Variants in NDUFS4 observed in about 807,000 individuals in gnomAD.
NDUFS4 encodes the protein NADH:ubiquinone oxidoreductase subunit S4, also known as NADH dehydrogenase [ubiquinone] iron-sulfur protein 4, mitochondrial.
Under a neutral mutation model 24.3 loss-of-function variants are expected in NDUFS4, and 28 were observed. That is an observed-to-expected ratio of 1.15 (90% confidence interval 0.85 to 1.58). NDUFS4 has a LOEUF of 1.58. Among genes scored for constraint, NDUFS4 ranks in the 40% most tolerant of loss-of-function variants. NDUFS4 has a pLI of 0.00. For missense variants in NDUFS4, 223 were observed against 207.9 expected (o/e 1.07, Z -0.45); for synonymous variants, 93 against 69.7 (o/e 1.34, Z -1.67).
chr5:53,665,337 C>T (rs140490625), intron 4 of NDUFS4, among the ~76,000 whole-genome samples: 1 of 152,152 alleles, frequency 6.6e-6, no homozygotes, highest in Non-Finnish European at 1.5e-5. Flanking sequence ...CTAGGAGAAC[C>T]ACTACTCTTC....
chr5:53,566,580 G>T (rs1329440185), intron 1 of NDUFS4, among the ~76,000 whole-genome samples: 1 of 151,966 alleles, frequency 6.6e-6, no homozygotes, highest in Non-Finnish European at 1.5e-5. Context: ...TTGTCTCTTG[G>T]TATCCATGAA....
chr5:53,566,019 A>C (rs745703607), intron 1 of NDUFS4, among the ~76,000 whole-genome samples: 6 of 151,384 alleles, frequency 4.0e-5, no homozygotes, highest in Admixed American at 3.9e-4. Flanking sequence ...TAAAAAATAC[A>C]ATAATTAGCC....
intron 4 of NDUFS4, among the ~76,000 whole-genome samples, chr5:53,675,009 T>A (rs1349467675): frequency 6.6e-6 from 1 of 152,060 alleles, no homozygotes; most frequent in Non-Finnish European, 1.5e-5. Context: ...GAGTACTTTT[T>A]AAGTACTCTT....
chr5:53,662,816 T>G (rs72753671), intron 4 of NDUFS4, among the ~76,000 whole-genome samples: 14,096 of 151,926 alleles, frequency 0.093, 780 homozygotes, highest in Non-Finnish European at 0.13. Context: ...TGGTGGTAAC[T>G]AAGATCAGTT....
chr5:53,596,465 C>G (rs887495398), intron 1 of NDUFS4, among the ~76,000 whole-genome samples: 1 of 152,000 alleles, frequency 6.6e-6, no homozygotes, highest in Non-Finnish European at 1.5e-5. Context: ...ATAAAATGGT[C>G]CCTTGACCTT....
At chr5:53,673,415 G>C (rs1283629544) in intron 4 of NDUFS4, among the ~76,000 whole-genome samples, 1 of 152,088 alleles carries the variant, frequency 6.6e-6, no homozygotes, top group African/African-American at 2.4e-5. Context: ...TTAGGATTCA[G>C]TTTTGGGAAG....
chr5:53,622,429 C>G (rs538698194), intron 2 of NDUFS4, among the ~76,000 whole-genome samples: 19 of 152,210 alleles, frequency 1.2e-4, no homozygotes, highest in African/African-American at 4.6e-4. Flanking sequence ...AAGGCCACCT[C>G]CTTGATGTGT....
At chr5:53,654,678 T>G (rs1000773215) in intron 3 of NDUFS4, among the ~76,000 whole-genome samples, 15 of 152,260 alleles carry the variant, frequency 9.9e-5, no homozygotes, top group African/African-American at 3.6e-4. Flanking sequence ...ACAAATAAGC[T>G]AAGCTTCCCG....
chr5:53,608,292 G>A (rs975316529), intron 2 of NDUFS4, among the ~76,000 whole-genome samples: 2 of 152,182 alleles, frequency 1.3e-5, no homozygotes, highest in African/African-American at 4.8e-5. Flanking sequence ...TCATTTGACT[G>A]GTGGAAGGTC....
At position 53,658,694 on chromosome 5, in the gene NDUFS4, T is replaced by G. The variant is rs1056914549; in HGVS notation, c.424+70T>G. 4 of 1,347,310 alleles carry G rather than the reference T, an allele frequency of 3.0e-6. No homozygotes were observed. In the Admixed American group the frequency reaches 7.0e-5, roughly 23 times the overall value. 83.5% of individuals were successfully genotyped at this position (1,347,310 alleles called of 1,614,324 possible). A position where few individuals can be genotyped will look rare whatever the true frequency, so the allele number is the denominator to read the frequency against. Reference sequence around the variant, plus strand: ...GTTCTTAACCTTAATTAAAACCAATTAAGTATACAGAATTTGAGTTGGAAT... The same window carrying G: ...GTTCTTAACCTTAATTAAAACCAATGAAGTATACAGAATTTGAGTTGGAAT... On this transcript the variant is annotated intron_variant, in intron 4 of 4. Transcript: ENST00000296684.
At chr5:53,627,960 G>T (rs182990667) in intron 2 of NDUFS4, among the ~76,000 whole-genome samples, 5 of 152,144 alleles carry the variant, frequency 3.3e-5, no homozygotes, top group African/African-American at 1.2e-4. Flanking sequence ...GTCTTGTGCC[G>T]GTTTTTAAAG....
chr5:53,671,802 T>A (rs1740253979), intron 4 of NDUFS4, among the ~76,000 whole-genome samples: 1 of 152,154 alleles, frequency 6.6e-6, no homozygotes, highest in Admixed American at 6.6e-5. Context: ...TACATGCTAA[T>A]GAAAACCAGA....
chr5:53,670,450 T>C (rs141519873), intron 4 of NDUFS4, among the ~76,000 whole-genome samples: 1 of 152,090 alleles, frequency 6.6e-6, no homozygotes, highest in East Asian at 1.9e-4. Context: ...AAAAAGTATC[T>C]CAATTTTTAT....
chr5:53,665,160 A>C (rs983146254), intron 4 of NDUFS4, among the ~76,000 whole-genome samples: 2 of 152,112 alleles, frequency 1.3e-5, no homozygotes, highest in Non-Finnish European at 2.9e-5. Flanking sequence ...GTGAACAGCA[A>C]ATGTTGCTGC....
chr5:53,672,441 G>A lies in NDUFS4; in HGVS notation c.425-10677G>A, dbSNP rs539826114. On this transcript the variant is annotated intron_variant, in intron 4 of 4. Coordinates refer to ENST00000296684, the MANE Select transcript of NDUFS4 (RefSeq NM_002495.4). The stretch of plus-strand genomic sequence containing the variant: ...GCAAAATTGGGTTTTGGTGGGGGAG[G>A]TCTATTAAGTAGAACACAGGACAGA... Among the ~76,000 whole-genome samples the A allele has an allele frequency of 7.2e-5, 11 of 152,130 alleles. No individual in the cohort carries two copies. In the South Asian group the frequency reaches 2.1e-3, roughly 29 times the overall value.
At chr5:53,608,970 A>G (rs1750613844) in intron 2 of NDUFS4, among the ~76,000 whole-genome samples, 1 of 152,192 alleles carries the variant, frequency 6.6e-6, no homozygotes, top group Non-Finnish European at 1.5e-5. Flanking sequence ...CAGATCCATA[A>G]TCTAGGTGCT....
chr5:53,586,277 C>T (rs1483108466), intron 1 of NDUFS4, among the ~76,000 whole-genome samples: 3 of 146,196 alleles, frequency 2.1e-5, no homozygotes, highest in Non-Finnish European at 4.5e-5. Flanking sequence ...TGCAGTGAGC[C>T]GAGATCACGC....
chr5:53,667,326 A>G (rs923112842), intron 4 of NDUFS4, among the ~76,000 whole-genome samples: 2 of 151,892 alleles, frequency 1.3e-5, no homozygotes, highest in Admixed American at 6.6e-5. Flanking sequence ...TTAGCCGGGC[A>G]TGGTGGCACA....
intron 2 of NDUFS4, among the ~76,000 whole-genome samples, chr5:53,640,540 C>T (rs544123230): frequency 6.6e-6 from 1 of 152,166 alleles, no homozygotes; most frequent in East Asian, 1.9e-4. Flanking sequence ...CCGACTTGTG[C>T]AGAGATTACA....
Sources: allele counts gnomAD v4.1 joint callset (sites outside exome capture counted in the v4.1 genomes callset), GRCh38; gene constraint gnomAD v4.1.1; transcripts MANE v1.5; gene names NCBI Gene and HGNC (gene_info 2026-07-23, HGNC 2026-07-21).